The following PDGFC variants were observed in gnomAD, a reference collection of about 807,000 sequenced individuals.
PDGFC encodes the protein platelet derived growth factor C.
A neutral mutation model predicts 35.5 loss-of-function variants in PDGFC; 12 were observed. The observed-to-expected ratio is 0.34, with a 90% CI of 0.22 to 0.55. The LOEUF (loss-of-function observed/expected upper bound fraction) is 0.55. Among genes scored for constraint, PDGFC ranks in the 20% least tolerant of loss-of-function variants. The pLI is 0.91. For synonymous variants in PDGFC, 159 were observed against 148.8 expected (o/e 1.07, Z -0.50); for missense variants, 322 against 412.4 (o/e 0.78, Z 1.90).
chr4:156,763,387 A>G (rs994183956), intron 5 of PDGFC, among the ~76,000 whole-genome samples, 181 bp from the exon 6 acceptor site: 1 of 148,768 alleles, frequency 6.7e-6, no homozygotes, highest in Non-Finnish European at 1.5e-5. Flanking sequence ...AAAAAAAATC[A>G]TCATTTCATG....
chr4:156,798,638 C>A (rs1560816782), intron 3 of PDGFC, among the ~76,000 whole-genome samples: 3 of 152,096 alleles, frequency 2.0e-5, no homozygotes, highest in African/African-American at 7.2e-5. Flanking sequence ...TGTCAGAAAG[C>A]TTGAGATGGC....
Position 156,772,717 on chromosome 4 carries a change from G to T in PDGFC, c.672C>A (p.Gly224=), listed in dbSNP as rs1055669066. 7 of 1,613,262 alleles carry T rather than the reference G, an allele frequency of 4.3e-6. No homozygotes were observed. Among genetic ancestry groups the T allele is most frequent in the Non-Finnish European group, 5.9e-6 (7 of 1,179,392 alleles). The stretch of plus-strand genomic sequence containing the variant: ...ATTTTCTTCCAAAAACAAAAGCCTT[G>T]CCAAGAAGTTGCCAAGTTGGCCTAT... ...DLYRPTWQLL[G]KAFVFGRKSR... The change falls in exon 4 of 6, where the codon GGC becomes GGA. Residue 224 remains glycine, a synonymous_variant. Transcript: ENST00000502773.
Position 156,933,608 on chromosome 4 carries a change from T to C in PDGFC, c.118+37178A>G, listed in dbSNP as rs142670268. On this transcript the variant is annotated intron_variant, in intron 1 of 5. Coordinates refer to ENST00000502773, the MANE Select transcript of PDGFC (RefSeq NM_016205.3). The stretch of plus-strand genomic sequence containing the variant: ...GTGCTGAAGTGCTGTCTAGTGTTCC[T>C]TGACACAAGGCTATGATGTGCCTTG... Among the ~76,000 whole-genome samples the C allele has an allele frequency of 1.4e-4, 22 of 152,328 alleles. No homozygotes were observed. The East Asian group carries it at 4.1e-3, about 28-fold the overall frequency.
chr4:156,863,390 C>T (rs1016131228), intron 1 of PDGFC, among the ~76,000 whole-genome samples: 1 of 152,168 alleles, frequency 6.6e-6, no homozygotes, highest in Non-Finnish European at 1.5e-5. Flanking sequence ...GATTAATTCA[C>T]AAGTGTATAT....
chr4:156,833,327 C>G (rs1728988925), intron 2 of PDGFC, among the ~76,000 whole-genome samples: 1 of 152,130 alleles, frequency 6.6e-6, no homozygotes, highest in South Asian at 2.1e-4. Flanking sequence ...AGTGGATATT[C>G]AATAAGCACG....
chr4:156,888,776 A>G lies in PDGFC; in HGVS notation c.119-38360T>C, dbSNP rs149909919. Among the ~76,000 whole-genome samples, 438 of 152,230 alleles carry G rather than the reference A, an allele frequency of 2.9e-3. 4 individuals are homozygous for G. Among genetic ancestry groups the G allele is most frequent in the African/African-American group, 0.01 (425 of 41,544 alleles). Reference sequence around the variant, plus strand: ...CTGGTAATTTTTGCATTTTTTACCAATTGGTGTGCAAACCTTCAGTAATTC... The same window carrying G: ...CTGGTAATTTTTGCATTTTTTACCAGTTGGTGTGCAAACCTTCAGTAATTC... On this transcript the variant is annotated intron_variant, in intron 1 of 5. Transcript: ENST00000502773.
At chr4:156,827,088 A>T (rs960457772) in intron 2 of PDGFC, among the ~76,000 whole-genome samples, 2 of 152,182 alleles carry the variant, frequency 1.3e-5, no homozygotes, top group African/African-American at 4.8e-5. Flanking sequence ...AATTCTGTTC[A>T]TCCAAGATAA....
chr4:156,785,139 G>C (rs1731088439), intron 3 of PDGFC, among the ~76,000 whole-genome samples: 2 of 152,194 alleles, frequency 1.3e-5, no homozygotes, highest in Admixed American at 1.3e-4. Flanking sequence ...AAAGCAAACA[G>C]GATGATTCAC....
At chr4:156,913,934 G>A (rs1579095950) in intron 1 of PDGFC, among the ~76,000 whole-genome samples, 1 of 152,030 alleles carries the variant, frequency 6.6e-6, no homozygotes, top group Admixed American at 6.6e-5. Context: ...AAAACTCATG[G>A]GGACTTCTAA....
intron 3 of PDGFC, among the ~76,000 whole-genome samples, chr4:156,795,402 C>T (rs1229349287): frequency 1.3e-5 from 2 of 151,794 alleles, no homozygotes; most frequent in Non-Finnish European, 2.9e-5. Flanking sequence ...CAAAGAAAAC[C>T]AAACTGAAAG....
intron 2 of PDGFC, among the ~76,000 whole-genome samples, chr4:156,830,912 T>C (rs907619401): frequency 5.3e-5 from 8 of 152,314 alleles, no homozygotes; most frequent in Middle Eastern, 3.4e-3. Context: ...GTGAGTCCTA[T>C]AGGCAGAGAT....
intron 2 of PDGFC, among the ~76,000 whole-genome samples, chr4:156,839,765 G>C (rs917412838): frequency 3.9e-5 from 6 of 152,182 alleles, no homozygotes; most frequent in African/African-American, 9.6e-5. Flanking sequence ...AAGACTTGTT[G>C]AACGGCTTTG....
At chr4:156,867,162 T>G (rs970088878) in intron 1 of PDGFC, among the ~76,000 whole-genome samples, 1 of 152,236 alleles carries the variant, frequency 6.6e-6, no homozygotes, top group African/African-American at 2.4e-5. Context: ...TTAGCATGAA[T>G]ATTAAGCTGA....
chr4:156,960,236 G>GAT (rs964217123), intron 1 of PDGFC, among the ~76,000 whole-genome samples: 3 of 137,696 alleles, frequency 2.2e-5, no homozygotes, highest in African/African-American at 6.2e-5. Context: ...GAAGCCATTT[G>GAT]ATATATATAT....
chr4:156,829,455 C>T (rs1352734618), intron 2 of PDGFC, among the ~76,000 whole-genome samples: 1 of 152,174 alleles, frequency 6.6e-6, no homozygotes, highest in African/African-American at 2.4e-5. Context: ...AATCTACCAT[C>T]CTGGGCAATA....
chr4:156,796,027 A>G (rs1275580642), intron 3 of PDGFC, among the ~76,000 whole-genome samples: 1 of 152,164 alleles, frequency 6.6e-6, no homozygotes, highest in Non-Finnish European at 1.5e-5. Context: ...CATCAAGAGG[A>G]GTGATTTGTG....
intron 3 of PDGFC, among the ~76,000 whole-genome samples, chr4:156,805,045 A>C (rs143620452): frequency 1.1e-3 from 164 of 152,180 alleles, no homozygotes; most frequent in African/African-American, 3.8e-3. Context: ...CAAGAAATTA[A>C]TTGGAACAAA....
intron 1 of PDGFC, among the ~76,000 whole-genome samples, chr4:156,950,412 A>T (rs977254868): frequency 2.6e-5 from 4 of 151,856 alleles, no homozygotes; most frequent in Non-Finnish European, 4.4e-5. Flanking sequence ...CCCAAACTTC[A>T]TTGGCGCTAG....
At chr4:156,818,744 C>T (rs983489808) in intron 2 of PDGFC, among the ~76,000 whole-genome samples, 43 of 152,086 alleles carry the variant, frequency 2.8e-4, no homozygotes, top group African/African-American at 9.6e-4. Context: ...CCTCGTGATC[C>T]GCCCGCCTGG....
Sources: gnomAD v4.1 joint callset for allele counts (sites outside exome capture counted in the v4.1 genomes callset) on GRCh38, gnomAD v4.1.1 for gene constraint, MANE v1.5 for transcripts, NCBI Gene and HGNC (gene_info 2026-07-23, HGNC 2026-07-21) for gene names.